The following SPMIP5 variants were observed in gnomAD, a reference collection of about 807,000 sequenced individuals.
SPMIP5 encodes sperm microtubule inner protein 5.
chr10:116,668,962 C>G, the SPMIP5 span, among the ~76,000 whole-genome samples: 1 of 151,600 alleles, frequency 6.6e-6, no homozygotes, highest in Admixed American at 6.6e-5. Flanking sequence ...CACACACACA[C>G]ACACACACAA....
chr10:116,663,703 A>C, the SPMIP5 span: 1 of 564,976 alleles, frequency 1.8e-6, no homozygotes, highest in Non-Finnish European at 3.0e-6. Flanking sequence ...GCATGCGGAG[A>C]AGCAGCCTCT....
the SPMIP5 span, chr10:116,664,944 C>T: frequency 6.2e-7 from 1 of 1,610,846 alleles, no homozygotes; most frequent in Admixed American, 1.7e-5. Context: ...TACATATTTG[C>T]ATTCTGTAAA....
At chr10:116,664,786 T>C in the SPMIP5 span, 1 of 1,614,134 alleles carries the variant, frequency 6.2e-7, no homozygotes, top group East Asian at 2.2e-5. Flanking sequence ...AGATGTGCCT[T>C]CTTGGCCCTC....
the SPMIP5 span, chr10:116,663,919 T>A: frequency 2.0e-6 from 3 of 1,536,680 alleles, no homozygotes; most frequent in Non-Finnish European, 2.6e-6. Flanking sequence ...GCCTTCTGCA[T>A]ACTTTGCGGA....
At chr10:116,665,511 G>A in the SPMIP5 span, 3 of 1,098,476 alleles carry the variant, frequency 2.7e-6, no homozygotes, top group East Asian at 2.4e-5. Flanking sequence ...ATTTGGAACG[G>A]TGCGGGATTC....
chr10:116,669,494 A>C, the SPMIP5 span, among the ~76,000 whole-genome samples: 1 of 152,210 alleles, frequency 6.6e-6, no homozygotes, highest in South Asian at 2.1e-4. Context: ...CGCTTGTTTA[A>C]TCCTCTCAAC....
At chr10:116,664,051 T>C in the SPMIP5 span, 1 of 1,597,914 alleles carries the variant, frequency 6.3e-7, no homozygotes. Flanking sequence ...GCAGCTTCCA[T>C]CTAGGAGAGG....
At chr10:116,666,019 C>CA in the SPMIP5 span, among the ~76,000 whole-genome samples, 2 of 152,110 alleles carry the variant, frequency 1.3e-5, no homozygotes, top group African/African-American at 4.8e-5. Context: ...CCCAAGGCCA[C>CA]AAAAAATGAC....
chr10:116,663,784 C>A, the SPMIP5 span: 8 of 1,119,664 alleles, frequency 7.1e-6, no homozygotes, highest in East Asian at 1.8e-4. Context: ...AGGATGCAGG[C>A]GGCAGTTAAA....
the SPMIP5 span, chr10:116,668,274 G>A: frequency 6.2e-7 from 1 of 1,614,016 alleles, no homozygotes. Context: ...AGCCTGGTGT[G>A]ATTGGCAGGT....
chr10:116,663,803 G>C, the SPMIP5 span: 3 of 1,316,400 alleles, frequency 2.3e-6, no homozygotes, highest in Non-Finnish European at 3.0e-6. Context: ...AAAAATTCTT[G>C]TTACTAAATT....
the SPMIP5 span, among the ~76,000 whole-genome samples, chr10:116,668,543 T>A: frequency 2.6e-5 from 4 of 152,086 alleles, no homozygotes; most frequent in African/African-American, 9.7e-5. Context: ...TTATGTTAAC[T>A]TGGATAACAG....
the SPMIP5 span, chr10:116,664,173 C>A: frequency 6.2e-7 from 1 of 1,614,118 alleles, no homozygotes; most frequent in Non-Finnish European, 8.5e-7. Context: ...TTTCTCCTCA[C>A]CTGGAATAGA....
the SPMIP5 span, chr10:116,664,208 C>T: frequency 9.9e-6 from 16 of 1,613,946 alleles, no homozygotes; most frequent in Non-Finnish European, 1.3e-5. Flanking sequence ...TTGGCAGCAG[C>T]TCTTCATGCT....
the SPMIP5 span, chr10:116,665,629 G>A: frequency 6.2e-7 from 1 of 1,613,858 alleles, no homozygotes; most frequent in Non-Finnish European, 8.5e-7. Flanking sequence ...GGGTGGTACT[G>A]CAGATTGTAC....
the SPMIP5 span, chr10:116,665,710 A>G: frequency 6.2e-7 from 1 of 1,614,220 alleles, no homozygotes; most frequent in Non-Finnish European, 8.5e-7. Flanking sequence ...GCCACTGCGC[A>G]GCACAATTCC....
At chr10:116,666,786 C>A in the SPMIP5 span, among the ~76,000 whole-genome samples, 1 of 152,314 alleles carries the variant, frequency 6.6e-6, no homozygotes, top group African/African-American at 2.4e-5. Context: ...GTTTCCCTGC[C>A]ATCAGGGCCG....
chr10:116,665,856 C>G, the SPMIP5 span: 1 of 1,574,310 alleles, frequency 6.4e-7, no homozygotes, highest in Non-Finnish European at 8.7e-7. Flanking sequence ...TCACAGCCTT[C>G]AGCAAGACTG....
chr10:116,664,945 A>G, the SPMIP5 span: 1 of 1,611,164 alleles, frequency 6.2e-7, no homozygotes, highest in Non-Finnish European at 8.5e-7. Flanking sequence ...ACATATTTGC[A>G]TTCTGTAAAA....
Sources: allele counts gnomAD v4.1 joint callset (sites outside exome capture counted in the v4.1 genomes callset), GRCh38; gene constraint gnomAD v4.1.1; transcripts MANE v1.5; gene names NCBI Gene and HGNC (gene_info 2026-07-23, HGNC 2026-07-21).